ERBB4: variants seen among roughly 807,000 people sequenced by gnomAD.
ERBB4 encodes receptor tyrosine-protein kinase erbB-4.
ERBB4 carries 42 observed loss-of-function variants against 158.0 expected under a neutral mutation model. The observed-to-expected ratio is 0.27, with a 90% CI of 0.21 to 0.34. The LOEUF (loss-of-function observed/expected upper bound fraction) is 0.34. ERBB4 is among the 10% of genes least tolerant of loss of function. The pLI is 1.00. For synonymous variants in ERBB4, 583 were observed against 558.7 expected (o/e 1.04, Z -0.61); for missense variants, 1,333 against 1,624.1 (o/e 0.82, Z 3.08).
intron 20 of ERBB4, among the ~76,000 whole-genome samples, chr2:211,491,034 T>C (rs2065328850): frequency 6.6e-6 from 1 of 152,114 alleles, no homozygotes. Flanking sequence ...AATGCGATGC[T>C]GTCTATTTCA....
chr2:211,569,332 G>A (rs769948688), intron 19 of ERBB4, among the ~76,000 whole-genome samples: 24 of 152,016 alleles, frequency 1.6e-4, no homozygotes, highest in South Asian at 4.1e-4. Flanking sequence ...TTTTTATCCC[G>A]TTAGTTTTAT....
At chr2:211,554,062 CA>C (rs1445817009) in intron 20 of ERBB4, among the ~76,000 whole-genome samples, 1 of 152,150 alleles carries the variant, frequency 6.6e-6, no homozygotes, top group Non-Finnish European at 1.5e-5. Flanking sequence ...AATGATGAGA[CA>C]CAACTACAGA....
chr2:211,961,825 A>G (rs2081186743), intron 2 of ERBB4, among the ~76,000 whole-genome samples: 1 of 152,172 alleles, frequency 6.6e-6, no homozygotes, highest in African/African-American at 2.4e-5. Context: ...GTAAATTATA[A>G]GAAGAGGGAA....
At chr2:211,387,715 T>C (rs2062715908) in intron 26 of ERBB4, among the ~76,000 whole-genome samples, 1 of 152,176 alleles carries the variant, frequency 6.6e-6, no homozygotes, top group Admixed American at 6.5e-5. Flanking sequence ...TGTGCCCAGG[T>C]AAATCCTTCA....
chr2:211,976,405 T>A (rs2081607058), intron 2 of ERBB4, among the ~76,000 whole-genome samples: 1 of 152,178 alleles, frequency 6.6e-6, no homozygotes, highest in African/African-American at 2.4e-5. Context: ...GAAAATATTT[T>A]ACATTATCTT....
chr2:211,836,630 G>A (rs2077348994), intron 3 of ERBB4, among the ~76,000 whole-genome samples: 2 of 152,042 alleles, frequency 1.3e-5, no homozygotes, highest in South Asian at 4.1e-4. Context: ...ATGCATATCA[G>A]TTGAAGAATA....
At chr2:212,003,191 A>AAGAAAGAAAGAAAGAAAG (rs1559293362) in intron 2 of ERBB4, among the ~76,000 whole-genome samples, 7 of 74,186 alleles carry the variant, frequency 9.4e-5, no homozygotes, top group Non-Finnish European at 1.6e-4. Flanking sequence ...GAAAGAAAGA[A>AAGAAAGAAAGAAAGAAAG]AGAAAGAAAG....
At chr2:212,404,903 T>C (rs549190589) in intron 1 of ERBB4, among the ~76,000 whole-genome samples, 49 of 152,128 alleles carry the variant, frequency 3.2e-4, no homozygotes, top group Non-Finnish European at 6.8e-4. Context: ...ACATGTGGTA[T>C]TTGGCTTTCT....
Position 211,466,349 on chromosome 2 carries a change from TAAA to T in ERBB4, c.2488-35252_2488-35250del, listed in dbSNP as rs58336651. Among the ~76,000 whole-genome samples the T allele has an allele frequency of 1.8e-3, 236 of 127,968 alleles. 1 individual carries two copies. Among genetic ancestry groups the T allele is most frequent in the African/African-American group, 6.9e-3 (214 of 30,880 alleles). 84.0% of individuals were successfully genotyped at this position (127,968 alleles called of 152,430 possible). A position where few individuals can be genotyped will look rare whatever the true frequency, so the allele number is the denominator to read the frequency against. ...TTTGTGTAGTTTTTTTTTTTTTTTT[TAAA>T]AAAAAAAAAAGGAACACATTCAATG... On this transcript the variant is annotated intron_variant, in intron 20 of 27. Coordinates refer to ENST00000342788, the MANE Select transcript of ERBB4 (RefSeq NM_005235.3).
rs113809180 is a variant in ERBB4 at position 211,788,152 on chromosome 2, T to G, written c.429A>C (p.Leu143=). ...ELGLKNLTEI[L]NGGVYVDQNK... ...TCTGGTCTACATAGACTCCACCATT[T>G]AGGATTTCTGTATTAAAAAACAAAT... The change falls in exon 4 of 28, where the codon CTA becomes CTC. Residue 143 remains leucine, a synonymous_variant. Transcript: ENST00000342788. 6.2e-7 allele frequency: 1 copy of G among 1,611,884 alleles called. No homozygotes were observed. The highest frequency in any genetic ancestry group is 1.7e-5 in the Admixed American group (1 of 59,938).
intron 19 of ERBB4, among the ~76,000 whole-genome samples, chr2:211,615,869 A>C (rs2069366470): frequency 6.6e-6 from 1 of 152,076 alleles, no homozygotes; most frequent in African/African-American, 2.4e-5. Flanking sequence ...GCATAAAGTT[A>C]GAGTGGAGAA....
chr2:211,666,195 T>TA (rs2071622406), intron 14 of ERBB4, among the ~76,000 whole-genome samples: 1 of 152,176 alleles, frequency 6.6e-6, no homozygotes, highest in African/African-American at 2.4e-5. Context: ...TATGTCTATT[T>TA]ATAGGGATTT....
chr2:211,509,487 G>C lies in ERBB4; in HGVS notation c.2487+52416C>G, dbSNP rs949749722. ...TTTAAATGTAAGACCTCAAACTAAAGAAATCCTAGCAAAAAAATCTAGGAA... is the reference window on the plus strand; with the variant it reads ...TTTAAATGTAAGACCTCAAACTAAACAAATCCTAGCAAAAAAATCTAGGAA... On this transcript the variant is annotated intron_variant, in intron 20 of 27. Coordinates refer to ENST00000342788, the MANE Select transcript of ERBB4 (RefSeq NM_005235.3). Among the ~76,000 whole-genome samples, 36 of 151,948 alleles carry C rather than the reference G, an allele frequency of 2.4e-4. 1 individual carries two copies. The highest frequency in any genetic ancestry group is 8.2e-4 in the African/African-American group (34 of 41,476).
chr2:212,273,069 C>T (rs1032068924), intron 1 of ERBB4, among the ~76,000 whole-genome samples: 4 of 151,730 alleles, frequency 2.6e-5, no homozygotes, highest in African/African-American at 4.8e-5. Flanking sequence ...GCCACTATTA[C>T]GACTTTGAGT....
At chr2:212,099,568 T>G (rs1158970818) in intron 2 of ERBB4, among the ~76,000 whole-genome samples, 2 of 152,164 alleles carry the variant, frequency 1.3e-5, no homozygotes, top group Non-Finnish European at 2.9e-5. Context: ...AATCTGCATG[T>G]GATAGCCATA....
chr2:211,944,691 C>A (rs1241828847), intron 3 of ERBB4, among the ~76,000 whole-genome samples: 1 of 151,990 alleles, frequency 6.6e-6, no homozygotes. Context: ...GGTAACATAC[C>A]ATTAATTAGA....
chr2:212,191,732 T>TATACATGTTACATATAACACGTGTC (rs2082231521), intron 1 of ERBB4, among the ~76,000 whole-genome samples: 1 of 146,792 alleles, frequency 6.8e-6, no homozygotes, highest in African/African-American at 2.5e-5. Flanking sequence ...TAACACGTGT[T>TATACATGTTACATATAACACGTGTC]ATACATGTTA....
At position 211,718,753 on chromosome 2, in the gene ERBB4, T is replaced by A. The variant is rs186039861; in HGVS notation, c.883+3640A>T. 3.2e-3 allele frequency among the ~76,000 whole-genome samples: 484 copies of A among 152,016 alleles called. 7 individuals are homozygous for A. Among genetic ancestry groups the A allele is most frequent in the Admixed American group, 0.02 (305 of 15,278 alleles). ...AAAAAAAAAAAACATGGTATACCACTAACACAGTGAAAAGATAATGTGTTT... is the reference window on the plus strand; with the variant it reads ...AAAAAAAAAAAACATGGTATACCACAAACACAGTGAAAAGATAATGTGTTT... On this transcript the variant is annotated intron_variant, in intron 7 of 27. Transcript: ENST00000342788.
At chr2:211,998,281 T>G (rs1402711) in intron 2 of ERBB4, among the ~76,000 whole-genome samples, 92,435 of 151,400 alleles carry the variant, frequency 0.61, 28,890 homozygotes, top group Non-Finnish European at 0.69. Flanking sequence ...ATTTCTTTGA[T>G]CTTTATAGTA....
Sources: allele counts gnomAD v4.1 joint callset (sites outside exome capture counted in the v4.1 genomes callset), GRCh38; gene constraint gnomAD v4.1.1; transcripts MANE v1.5; gene names NCBI Gene and HGNC (gene_info 2026-07-23, HGNC 2026-07-21).